The following RGS12 variants were observed in gnomAD, a reference collection of about 807,000 sequenced individuals.
The protein encoded by RGS12 is regulator of G-protein signaling 12.
In RGS12, 66 loss-of-function variants were observed where a neutral mutation model predicts 120.1. The observed-to-expected ratio is 0.55, with a 90% CI of 0.45 to 0.67. The LOEUF is 0.67. RGS12 is among the 30% of genes least tolerant of loss of function. RGS12 has a pLI of 0.00. For missense variants in RGS12, 1,859 were observed against 1,957.7 expected (o/e 0.95, Z 0.95); for synonymous variants, 827 against 804.7 (o/e 1.03, Z -0.47).
intron 3 of RGS12, among the ~76,000 whole-genome samples, chr4:3,348,678 T>C (rs76470131): frequency 0.018 from 2,759 of 152,294 alleles, 70 homozygotes; most frequent in African/African-American, 0.059. Context: ...AATCGAGTTA[T>C]ACAGGCGGAA....
At chr4:3,329,568 C>A (rs543310718) in intron 2 of RGS12, among the ~76,000 whole-genome samples, 5 of 152,248 alleles carry the variant, frequency 3.3e-5, no homozygotes, top group African/African-American at 1.2e-4. Flanking sequence ...CACAAACGTC[C>A]CCTCATACAC....
intron 16 of RGS12, among the ~76,000 whole-genome samples, chr4:3,429,369 T>C (rs924885163): frequency 1.2e-4 from 19 of 152,220 alleles, no homozygotes; most frequent in African/African-American, 4.6e-4. Flanking sequence ...ATCCAGGGCG[T>C]ACTTGCCAGT....
chr4:3,421,797 G>A (rs1310164061), intron 10 of RGS12, among the ~76,000 whole-genome samples: 1 of 152,246 alleles, frequency 6.6e-6, no homozygotes, highest in Non-Finnish European at 1.5e-5. Flanking sequence ...CTTCATGGGA[G>A]GAGCCACAGA....
At position 3,439,573 on chromosome 4, in the gene RGS12, G is replaced by A; in HGVS notation, c.4233G>A (p.Gly1411=). The change falls in exon 18 of 18, where the codon GGG becomes GGA. Residue 1411 remains glycine, a synonymous_variant. Transcript: ENST00000336727. The part of the protein sequence containing the change: ...GGIAGAQAGP[G]RSQASGGPPT... ...TAGCGGGGGCACAGGCTGGCCCTGG[G>A]AGGTCGCAGGCCAGTGGTGGGCCTC... 2.5e-6 allele frequency: 4 copies of A among 1,611,712 alleles called. No individual in the cohort carries two copies. The highest frequency in any genetic ancestry group is 3.4e-6 in the Non-Finnish European group (4 of 1,179,356).
chr4:3,434,847 G>C (rs1724658353), intron 17 of RGS12, among the ~76,000 whole-genome samples: 1 of 152,212 alleles, frequency 6.6e-6, no homozygotes, highest in Admixed American at 6.5e-5. Flanking sequence ...TGCCCTGCTG[G>C]CTGCAAGGCG....
At chr4:3,341,964 G>A (rs559478016) in intron 2 of RGS12, among the ~76,000 whole-genome samples, 2 of 151,382 alleles carry the variant, frequency 1.3e-5, no homozygotes, top group Admixed American at 6.6e-5. Context: ...AGACCCAGGC[G>A]GGAATGGGTC....
In RGS12 at chr4:3,439,855, C is replaced by T. The variant is rs1725174307; in HGVS notation, c.*171C>T. ...TGGCCCCGGACATTCGCCATGCTGG[C>T]CATGGGGCTCCCTGGCCCTGGCCTC... On this transcript the variant is annotated 3_prime_UTR_variant, in exon 18 of 18. Coordinates refer to ENST00000336727, the MANE Select transcript of RGS12 (RefSeq NM_001394154.1). 6.6e-6 allele frequency: 4 copies of T among 605,140 alleles called. No individual in the cohort carries two copies. The highest frequency in any genetic ancestry group is 3.2e-5 in the East Asian group (1 of 31,362). 37.5% of individuals were successfully genotyped at this position (605,140 alleles called of 1,614,324 possible). A position where few individuals can be genotyped will look rare whatever the true frequency, so the allele number is the denominator to read the frequency against.
Position 3,366,910 on chromosome 4 carries a change from C to T in RGS12, c.1999-19506C>T, listed in dbSNP as rs1336608762. ...GAACTTTCCAGTTAGCCAGGCCTCTCCTGGCCCCAGGACATAGCCCACGTG... is the reference window on the plus strand; with the variant it reads ...GAACTTTCCAGTTAGCCAGGCCTCTTCTGGCCCCAGGACATAGCCCACGTG... On this transcript the variant is annotated intron_variant, in intron 3 of 17. Coordinates refer to ENST00000336727, the MANE Select transcript of RGS12 (RefSeq NM_001394154.1). The surrounding 1 kb of genome is among the most constrained non-coding windows in gnomAD (Gnocchi z 4.0). Among the ~76,000 whole-genome samples the T allele has an allele frequency of 2.6e-5, 4 of 152,194 alleles. No homozygotes were observed. The East Asian group carries it at 7.7e-4, about 29-fold the overall frequency.
At chr4:3,416,398 C>T (rs1158571421) in intron 7 of RGS12, among the ~76,000 whole-genome samples, 1 of 152,186 alleles carries the variant, frequency 6.6e-6, no homozygotes, top group East Asian at 1.9e-4. Context: ...CGATCCTGTG[C>T]GTGTGTGGAA....
At chr4:3,413,915 G>T (rs1434973468) in intron 4 of RGS12, 157 bp from the exon 5 acceptor site, 7 of 690,762 alleles carry the variant, frequency 1.0e-5, no homozygotes, top group Non-Finnish European at 1.4e-5. Context: ...GAATGCACTG[G>T]CAGGTGGTAG....
chr4:3,428,308 C>A, intron 15 of RGS12, 139 bp downstream of exon 15: 2 of 883,848 alleles, frequency 2.3e-6, no homozygotes, highest in Middle Eastern at 2.1e-4. Context: ...GGGTCTCTCT[C>A]GTCCCTGCCG....
intron 17 of RGS12, 35 bp downstream of exon 17, chr4:3,430,990 C>A: frequency 6.2e-7 from 1 of 1,604,220 alleles, no homozygotes; most frequent in South Asian, 1.1e-5. Flanking sequence ...ACCTTGGCCC[C>A]GTAAGCGTGG....
rs976272183 is a variant in RGS12 at position 3,390,672 on chromosome 4, T to C, written c.2020+4235T>C. On this transcript the variant is annotated intron_variant, in intron 4 of 17. Coordinates refer to ENST00000336727, the MANE Select transcript of RGS12 (RefSeq NM_001394154.1). This position sits in a 1 kb window ranked among gnomAD's most constrained non-coding sequence, Gnocchi z 4.6. ...CCTGGCCATGGCGGAAGATTCGGGCTCCACCTGCAGCTCCACAGCTGACAG... is the reference window on the plus strand; with the variant it reads ...CCTGGCCATGGCGGAAGATTCGGGCCCCACCTGCAGCTCCACAGCTGACAG... 3.3e-5 allele frequency among the ~76,000 whole-genome samples: 5 copies of C among 152,158 alleles called. No homozygotes were observed. Among genetic ancestry groups the C allele is most frequent in the African/African-American group, 9.7e-5 (4 of 41,446 alleles).
intron 6 of RGS12, 85 bp downstream of exon 6, chr4:3,414,929 G>GTGTGAGGGGCA: frequency 4.2e-6 from 4 of 957,878 alleles, no homozygotes; most frequent in South Asian, 4.0e-5. Flanking sequence ...AGGGCCACGT[G>GTGTGAGGGGCA]TGTGAGGGGC....
At chr4:3,320,213 G>A (rs1218973258) in intron 2 of RGS12, among the ~76,000 whole-genome samples, 3 of 152,318 alleles carry the variant, frequency 2.0e-5, no homozygotes, top group Non-Finnish European at 2.9e-5. Context: ...GTCCTCAGCG[G>A]ACCTGAGAGA....
At chr4:3,324,050 C>T (rs977173352) in intron 2 of RGS12, 1 of 152,332 alleles carries the variant, frequency 6.6e-6, no homozygotes, top group Non-Finnish European at 1.5e-5. Flanking sequence ...GATTTTGGTC[C>T]CAGAGCTAGC....
intron 2 of RGS12, chr4:3,342,420 T>C (rs1048064312): frequency 7.9e-7 from 1 of 1,263,180 alleles, no homozygotes; most frequent in Non-Finnish European, 1.0e-6. Flanking sequence ...TAGCCAGTTA[T>C]TTCCTGCGCC....
intron 4 of RGS12, among the ~76,000 whole-genome samples, chr4:3,402,038 C>T (rs1006066635): frequency 3.9e-5 from 6 of 152,234 alleles, no homozygotes; most frequent in Admixed American, 2.0e-4. Context: ...CCCTGGAGCC[C>T]GTGAGCGCTG....
chr4:3,366,469 G>A lies in RGS12; in HGVS notation c.1999-19947G>A, dbSNP rs1716316095. Among the ~76,000 whole-genome samples, 1 of 152,150 alleles carries A rather than the reference G, an allele frequency of 6.6e-6. No individual in the cohort carries two copies. Among genetic ancestry groups the A allele is most frequent in the African/African-American group, 2.4e-5 (1 of 41,438 alleles). ...TGTCTCCCGGGCACAGTCAGCAGAG[G>A]CGCTCCTCCAGTTCCCGCCTCTCTG... On this transcript the variant is annotated intron_variant, in intron 3 of 17. Coordinates refer to ENST00000336727, the MANE Select transcript of RGS12 (RefSeq NM_001394154.1). This position sits in a 1 kb window ranked among gnomAD's most constrained non-coding sequence, Gnocchi z 4.0.
Sources: gnomAD v4.1 joint callset for allele counts (sites outside exome capture counted in the v4.1 genomes callset) on GRCh38, gnomAD v4.1.1 for gene constraint, Gnocchi (gnomAD v3.1) non-coding constraint, MANE v1.5 for transcripts, NCBI Gene and HGNC (gene_info 2026-07-23, HGNC 2026-07-21) for gene names.